ABHD17C: variants seen among roughly 807,000 people sequenced by gnomAD.
ABHD17C encodes alpha/beta hydrolase domain-containing protein 17C.
Under a neutral mutation model 27.9 loss-of-function variants are expected in ABHD17C, and 11 were observed. That is an observed-to-expected ratio of 0.39 (90% CI 0.25 to 0.65). The LOEUF (loss-of-function observed/expected upper bound fraction) is 0.65, where lower values mean the gene tolerates loss of function less well. ABHD17C is among the 30% of genes least tolerant of loss of function. The pLI is 0.45. For synonymous variants in ABHD17C, 233 were observed against 209.1 expected (o/e 1.11, Z -0.98); for missense variants, 280 against 470.2 (o/e 0.60, Z 3.74).
chr15:80,741,918 C>A (rs978031187), intron 1 of ABHD17C, among the ~76,000 whole-genome samples: 2 of 152,158 alleles, frequency 1.3e-5, no homozygotes, highest in African/African-American at 2.4e-5. Flanking sequence ...TACTAAGTGA[C>A]TAATGGGCAG....
At chr15:80,696,102 G>A in intron 1 of ABHD17C, 83 bp downstream of exon 1, 4 of 1,373,868 alleles carry the variant, frequency 2.9e-6, no homozygotes, top group Admixed American at 2.5e-5. Context: ...GGGGCGGCCT[G>A]CCAGGAGAGG....
chr15:80,720,994 T>G (rs575972281), intron 1 of ABHD17C, among the ~76,000 whole-genome samples: 2 of 152,204 alleles, frequency 1.3e-5, no homozygotes, highest in South Asian at 4.2e-4. Context: ...CTTGGATCCT[T>G]TGGTCTCAGA....
At chr15:80,731,936 G>A (rs977391353) in intron 1 of ABHD17C, among the ~76,000 whole-genome samples, 1 of 152,178 alleles carries the variant, frequency 6.6e-6, no homozygotes, top group African/African-American at 2.4e-5. Context: ...TTGAGGACAT[G>A]TGCCTTGTGC....
intron 2 of ABHD17C, 115 bp from the exon 3 acceptor site, chr15:80,754,036 C>T (rs143621265): frequency 1.0e-4 from 85 of 832,070 alleles, no homozygotes; most frequent in Admixed American, 2.3e-4. Context: ...AAAAAACCCA[C>T]GGTGTTATTT....
chr15:80,703,983 T>G (rs1214779115), intron 1 of ABHD17C, among the ~76,000 whole-genome samples: 1 of 152,168 alleles, frequency 6.6e-6, no homozygotes, highest in East Asian at 1.9e-4. Flanking sequence ...AATAGAACAA[T>G]TGTGCCAATA....
At chr15:80,696,319 C>A (rs1338012796) in intron 1 of ABHD17C, among the ~76,000 whole-genome samples, 1 of 152,234 alleles carries the variant, frequency 6.6e-6, no homozygotes, top group Non-Finnish European at 1.5e-5. Flanking sequence ...TGGCTCCGGT[C>A]ACCGCGAGTG....
In ABHD17C at chr15:80,696,140, C is replaced by T. The variant is rs1403057857; in HGVS notation, c.590+121C>T. 3.8e-6 allele frequency: 4 copies of T among 1,054,434 alleles called. No individual in the cohort carries two copies. In the Admixed American group the frequency reaches 1.1e-4, roughly 29 times the overall value. 65.3% of individuals were successfully genotyped at this position (1,054,434 alleles called of 1,614,324 possible). ...CCCCTCCTCCGGGGCTGAGGGCCAG[C>T]GGAGAGCCCCTTGGCCGCCGTAAAT... is the stretch of plus-strand genomic sequence containing the variant. On this transcript the variant is annotated intron_variant, in intron 1 of 2. Transcript: ENST00000258884.
chr15:80,750,288 A>G (rs1414731012), intron 2 of ABHD17C, among the ~76,000 whole-genome samples: 1 of 152,198 alleles, frequency 6.6e-6, no homozygotes, highest in Non-Finnish European at 1.5e-5. Context: ...GAACAAACTC[A>G]CCTGCCACCC....
rs1894923163 is a variant in ABHD17C at position 80,723,162 on chromosome 15, G to A, written c.591-26351G>A. The stretch of plus-strand genomic sequence containing the variant: ...TATGTGTGTGTGTGTGTGTGTGTGT[G>A]TGTGTATCACATTTGTCTGAATGAC... On this transcript the variant is annotated intron_variant, in intron 1 of 2. Coordinates refer to ENST00000258884, the MANE Select transcript of ABHD17C (RefSeq NM_021214.2). 1.3e-5 allele frequency among the ~76,000 whole-genome samples: 2 copies of A among 151,090 alleles called. 1 individual carries two copies. Among genetic ancestry groups the A allele is most frequent in the African/African-American group, 4.9e-5 (2 of 40,856 alleles).
At chr15:80,750,898 T>C (rs143954853) in intron 2 of ABHD17C, among the ~76,000 whole-genome samples, 95 of 152,120 alleles carry the variant, frequency 6.2e-4, no homozygotes, top group African/African-American at 2.1e-3. Flanking sequence ...TTTTCCTGGC[T>C]CTTAAATTAG....
At chr15:80,732,884 G>A (rs770293190) in intron 1 of ABHD17C, among the ~76,000 whole-genome samples, 6 of 152,222 alleles carry the variant, frequency 3.9e-5, no homozygotes, top group Non-Finnish European at 8.8e-5. Context: ...ATGTGGCCTT[G>A]TGGTGTCCTG....
rs1036515347 is a variant in ABHD17C at position 80,731,535 on chromosome 15, T to G, written c.591-17978T>G. 6.0e-5 allele frequency among the ~76,000 whole-genome samples: 9 copies of G among 151,202 alleles called. No individual in the cohort carries two copies. In the East Asian group the frequency reaches 9.8e-4, roughly 16 times the overall value. ...GTTTGTCATTGCCACCAGGCTTCCC[T>G]GAACCTTCTACCTCACCAGCAAGAT... On this transcript the variant is annotated intron_variant, in intron 1 of 2. Transcript: ENST00000258884.
chr15:80,707,658 C>G (rs779987236), intron 1 of ABHD17C, among the ~76,000 whole-genome samples: 2 of 151,826 alleles, frequency 1.3e-5, no homozygotes, highest in Admixed American at 6.6e-5. Flanking sequence ...CATCCTGGGC[C>G]GAGGGTTGGA....
At chr15:80,741,789 G>T (rs1204325061) in intron 1 of ABHD17C, among the ~76,000 whole-genome samples, 3 of 152,116 alleles carry the variant, frequency 2.0e-5, no homozygotes, top group African/African-American at 7.2e-5. Context: ...CTTCTCTTTG[G>T]CATATTCGAA....
chr15:80,698,056 T>A (rs986619866), intron 1 of ABHD17C, among the ~76,000 whole-genome samples: 4 of 138,134 alleles, frequency 2.9e-5, no homozygotes, highest in Non-Finnish European at 6.1e-5. Context: ...TGTTGTTTTA[T>A]TTCACTTTTT....
In ABHD17C at chr15:80,754,695, G is replaced by C. The variant is rs1277499907; in HGVS notation, c.*325G>C. On this transcript the variant is annotated 3_prime_UTR_variant, in exon 3 of 3. Coordinates refer to ENST00000258884, the MANE Select transcript of ABHD17C (RefSeq NM_021214.2). ...TTTCTCAACCTTATCCATCATTTCTGACATTCATGCAGGACTTGCCCTGTT... is the reference window on the plus strand; with the variant it reads ...TTTCTCAACCTTATCCATCATTTCTCACATTCATGCAGGACTTGCCCTGTT... 1.4e-5 allele frequency: 3 copies of C among 221,646 alleles called. No homozygotes were observed. Among genetic ancestry groups the C allele is most frequent in the Admixed American group, 5.4e-5 (1 of 18,580 alleles). 13.7% of individuals were successfully genotyped at this position (221,646 alleles called of 1,614,324 possible).
At chr15:80,742,712 T>C (rs1895226907) in intron 1 of ABHD17C, among the ~76,000 whole-genome samples, 1 of 151,676 alleles carries the variant, frequency 6.6e-6, no homozygotes, top group Admixed American at 6.6e-5. Context: ...GGAGAGAAAA[T>C]ATAAGAGTGT....
In ABHD17C at chr15:80,714,126, G is replaced by T. The variant is rs547058581; in HGVS notation, c.590+18107G>T. ...AGGGCACCTCACCTGGCTAATTTTT[G>T]TATTTTTTTGTAGAGAAGAGATTTT... On this transcript the variant is annotated intron_variant, in intron 1 of 2. Transcript: ENST00000258884. Among the ~76,000 whole-genome samples, 9 of 152,008 alleles carry T rather than the reference G, an allele frequency of 5.9e-5. No homozygotes were observed. The South Asian group carries it at 1.9e-3, about 32-fold the overall frequency.
chr15:80,736,026 G>C (rs1221161720), intron 1 of ABHD17C, among the ~76,000 whole-genome samples: 2 of 152,116 alleles, frequency 1.3e-5, no homozygotes, highest in Non-Finnish European at 2.9e-5. Context: ...GAAACTTCCA[G>C]GGGTTATAAT....
Sources: allele counts gnomAD v4.1 joint callset (sites outside exome capture counted in the v4.1 genomes callset), GRCh38; gene constraint gnomAD v4.1.1; transcripts MANE v1.5; gene names NCBI Gene and HGNC (gene_info 2026-07-23, HGNC 2026-07-21).